The following CLPX variants were observed in gnomAD, a reference collection of about 807,000 sequenced individuals.
The protein encoded by CLPX is caseinolytic mitochondrial matrix peptidase chaperone subunit X.
CLPX carries 34 observed loss-of-function variants against 76.4 expected under a neutral mutation model. That is an observed-to-expected ratio of 0.45 (90% CI 0.34 to 0.59). The LOEUF is 0.59. Among genes scored for constraint, CLPX ranks in the 20% least tolerant of loss-of-function variants. The pLI, the probability that CLPX is intolerant of heterozygous loss-of-function variation, is 0.01. For missense variants in CLPX, 613 were observed against 757.0 expected (o/e 0.81, Z 2.23); for synonymous variants, 248 against 270.9 (o/e 0.92, Z 0.83).
intron 3 of CLPX, among the ~76,000 whole-genome samples, chr15:65,177,984 G>A (rs1016872276): frequency 2.0e-4 from 30 of 152,004 alleles, no homozygotes; most frequent in African/African-American, 7.2e-4. Context: ...TATACATATG[G>A]GGTTTTGCCA....
At chr15:65,168,631 G>A (rs1426667428) in intron 3 of CLPX, among the ~76,000 whole-genome samples, 1 of 150,070 alleles carries the variant, frequency 6.7e-6, no homozygotes, top group Non-Finnish European at 1.5e-5. Context: ...ATAGCATTAG[G>A]AGATATACCT....
chr15:65,160,405 A>G (rs903497373), intron 6 of CLPX, among the ~76,000 whole-genome samples: 1 of 152,208 alleles, frequency 6.6e-6, no homozygotes, highest in African/African-American at 2.4e-5. Flanking sequence ...AAGAAAACTC[A>G]GTCTGCTGTA....
chr15:65,159,038 A>G (rs1179312027), intron 6 of CLPX, among the ~76,000 whole-genome samples: 2 of 152,214 alleles, frequency 1.3e-5, no homozygotes, highest in Non-Finnish European at 2.9e-5. Flanking sequence ...GCAATACAAC[A>G]GAAGAGCAGA....
intron 3 of CLPX, among the ~76,000 whole-genome samples, chr15:65,177,787 G>C (rs2088108534): frequency 6.6e-6 from 1 of 152,044 alleles, no homozygotes. Flanking sequence ...GCAAAAGTAG[G>C]ATACATGATT....
At chr15:65,173,567 A>G (rs974186551) in intron 3 of CLPX, among the ~76,000 whole-genome samples, 1 of 152,116 alleles carries the variant, frequency 6.6e-6, no homozygotes, top group Non-Finnish European at 1.5e-5. Context: ...GAGAGTTAGA[A>G]ACATATGTCC....
intron 1 of CLPX, among the ~76,000 whole-genome samples, chr15:65,183,410 G>A (rs2088205049): frequency 7.2e-6 from 1 of 139,166 alleles, no homozygotes; most frequent in Non-Finnish European, 1.5e-5. Context: ...GCAGTAAACT[G>A]AGATCTGGCC....
At chr15:65,156,312 C>T (rs540676181) in intron 9 of CLPX, among the ~76,000 whole-genome samples, 5 of 152,146 alleles carry the variant, frequency 3.3e-5, no homozygotes, top group Non-Finnish European at 5.9e-5. Flanking sequence ...ATTTCCAGCA[C>T]GTAAGTGTGA....
chr15:65,169,841 C>T (rs35345297), intron 3 of CLPX, among the ~76,000 whole-genome samples: 110,397 of 151,244 alleles, frequency 0.73, 41,599 homozygotes, highest in East Asian at 0.98. Context: ...CTGCAACCTT[C>T]GCCTCGCCTC....
intron 4 of CLPX, among the ~76,000 whole-genome samples, chr15:65,166,235 GA>G (rs1452838211): frequency 1.3e-5 from 2 of 152,044 alleles, no homozygotes; most frequent in Admixed American, 1.3e-4. Context: ...CAATTTAAGG[GA>G]GATAATTGCA....
At chr15:65,155,943 AAT>A (rs777853902) in intron 9 of CLPX, 87 bp from the exon 10 acceptor site, 3 of 1,173,922 alleles carry the variant, frequency 2.6e-6, no homozygotes, top group Non-Finnish European at 3.7e-6. Context: ...TGGGGAAAAC[AAT>A]ATGTGATTAT....
chr15:65,162,221 G>C (rs980457624), intron 6 of CLPX, among the ~76,000 whole-genome samples: 2 of 151,958 alleles, frequency 1.3e-5, no homozygotes, highest in Admixed American at 1.3e-4. Context: ...AGTGAATTAA[G>C]ACTTACTCAT....
In CLPX at chr15:65,185,285, C is replaced by G; in HGVS notation, c.-132G>C. 1.5e-6 allele frequency: 1 copy of G among 686,660 alleles called. No individual in the cohort carries two copies. Among genetic ancestry groups the G allele is most frequent in the Non-Finnish European group, 2.5e-6 (1 of 404,864 alleles). 42.5% of individuals were successfully genotyped at this position (686,660 alleles called of 1,614,324 possible). On this transcript the variant is annotated 5_prime_UTR_variant, in exon 1 of 14. Coordinates refer to ENST00000300107, the MANE Select transcript of CLPX (RefSeq NM_006660.5). Reference sequence around the variant, plus strand: ...GCCCTAGACCCCGTGGAGAGTTCACCTGCCCGGCAGCCAGGCCTTCACGCT... The same window carrying G: ...GCCCTAGACCCCGTGGAGAGTTCACGTGCCCGGCAGCCAGGCCTTCACGCT...
At chr15:65,183,681 C>T (rs1595949995) in intron 1 of CLPX, among the ~76,000 whole-genome samples, 1 of 152,070 alleles carries the variant, frequency 6.6e-6, no homozygotes, top group African/African-American at 2.4e-5. Context: ...CTCTTGGCTA[C>T]AAGAGATCAG....
intron 6 of CLPX, among the ~76,000 whole-genome samples, chr15:65,161,884 A>C (rs2087860044): frequency 6.6e-6 from 1 of 152,204 alleles, no homozygotes; most frequent in African/African-American, 2.4e-5. Context: ...GTCATGCCCA[A>C]GTTGGTACAC....
chr15:65,178,556 C>T (rs1456564560), intron 3 of CLPX, among the ~76,000 whole-genome samples: 1 of 151,930 alleles, frequency 6.6e-6, no homozygotes, highest in East Asian at 1.9e-4. Flanking sequence ...ACATTTAATA[C>T]AATTTATATA....
chr15:65,176,904 T>C lies in CLPX; in HGVS notation c.358+2030A>G, dbSNP rs74855393. ...GCCACCGCGCCTGGCAACAAATTAT[T>C]CTTTAGGTCTATAAAGGTTGAAATG... On this transcript the variant is annotated intron_variant, in intron 3 of 13. Transcript: ENST00000300107. Among the ~76,000 whole-genome samples, 873 of 152,074 alleles carry C rather than the reference T, an allele frequency of 5.7e-3. 5 individuals carry two copies. Among genetic ancestry groups the C allele is most frequent in the Middle Eastern group, 0.014 (4 of 294 alleles).
chr15:65,157,015 G>C, intron 8 of CLPX, 83 bp from the exon 9 acceptor site: 1 of 802,270 alleles, frequency 1.2e-6, no homozygotes, highest in Admixed American at 2.6e-5. Flanking sequence ...TAGGTAGCTA[G>C]AGAACAAAGT....
intron 5 of CLPX, among the ~76,000 whole-genome samples, chr15:65,163,356 C>T (rs540860018): frequency 2.0e-5 from 3 of 152,220 alleles, no homozygotes; most frequent in Admixed American, 6.5e-5. Context: ...ATAAATTATA[C>T]ATTTAGTTGC....
rs1318959918 is a variant in CLPX, at chr15:65,162,469, T to C, written c.715+135A>G. The C allele has an allele frequency of 5.3e-6, 3 of 568,232 alleles. No homozygotes were observed. The Admixed American group carries it at 1.0e-4, about 19-fold the overall frequency. The allele number at this position is 568,232 out of a possible 1,614,324, so 35.2% of individuals were successfully genotyped here. A position where few individuals can be genotyped will look rare whatever the true frequency, so the allele number is the denominator to read the frequency against. On this transcript the variant is annotated intron_variant, in intron 6 of 13. Coordinates refer to ENST00000300107, the MANE Select transcript of CLPX (RefSeq NM_006660.5). ...ATATATACCATGTAGGATAAACACA[T>C]TTAGATAATACGTATCTTTCTTGGT...
Sources: gnomAD v4.1 joint callset for allele counts (sites outside exome capture counted in the v4.1 genomes callset) on GRCh38, gnomAD v4.1.1 for gene constraint, MANE v1.5 for transcripts, NCBI Gene and HGNC (gene_info 2026-07-23, HGNC 2026-07-21) for gene names.